Variants in SYCP3 observed in about 807,000 individuals in gnomAD.
The protein encoded by SYCP3 is synaptonemal complex protein 3.
A neutral mutation model predicts 38.5 loss-of-function variants in SYCP3; 29 were observed. The observed-to-expected ratio is 0.75, with a 90% CI of 0.56 to 1.03. The LOEUF is 1.03. Among genes scored for constraint, SYCP3 ranks in the 50% least tolerant of loss-of-function variants. The pLI is 0.00. For synonymous variants in SYCP3, 79 were observed against 80.3 expected, an observed-to-expected ratio of 0.98 and a Z score of 0.08; for missense variants, 242 against 270.7, an observed-to-expected ratio of 0.89 and a Z score of 0.74.
In SYCP3 at chr12:101,728,980, G is replaced by A. The variant is rs1041880991; in HGVS notation, c.658C>T (p.Gln220Ter). 1.2e-6 allele frequency: 2 copies of A among 1,613,506 alleles called. No homozygotes were observed. Among genetic ancestry groups the A allele is most frequent in the Non-Finnish European group, 1.7e-6 (2 of 1,179,684 alleles). The change falls in exon 9 of 9, where the codon CAG (glutamine) becomes TAG (stop). Residue 220 changes from glutamine (Q) to a stop codon, truncating the protein, a stop_gained and splice_region_variant. Coordinates refer to ENST00000392924, the MANE Select transcript of SYCP3 (RefSeq NM_001177949.2). LOFTEE classifies it high-confidence loss of function. Reference sequence around the variant, plus strand: ...CGAACACTTGCTATCTCTTGCTGCTGCTGTTTCATGGAAGGAGATATTAAA... The same window carrying A: ...CGAACACTTGCTATCTCTTGCTGCTACTGTTTCATGGAAGGAGATATTAAA... ...MLQKKIMMETQQQEIASVRKS... is the reference protein window; with the variant it reads ...MLQKKIMMET
rs760550499 is a variant in SYCP3, at chr12:101,735,094, T to C, written c.236-50A>G. 4 of 1,277,820 alleles carry C rather than the reference T, an allele frequency of 3.1e-6. No homozygotes were observed. The Admixed American group carries it at 5.2e-5, about 17-fold the overall frequency. 79.2% of individuals were successfully genotyped at this position (1,277,820 alleles called of 1,614,324 possible). On this transcript the variant is annotated intron_variant, in intron 4 of 8. Transcript: ENST00000392924. ...AAAATTTAATGTTGAAAAAAGTATTTTGTTCCCACATATTCAAGTAAATAT... is the reference window on the plus strand; with the variant it reads ...AAAATTTAATGTTGAAAAAAGTATTCTGTTCCCACATATTCAAGTAAATAT...
chr12:101,728,865 T>G lies in SYCP3; in HGVS notation c.*62A>C, dbSNP rs767171906. On this transcript the variant is annotated 3_prime_UTR_variant, in exon 9 of 9. Coordinates refer to ENST00000392924, the MANE Select transcript of SYCP3 (RefSeq NM_001177949.2). ...CTATTCTAAAGACTTACAATATGCT[T>G]CTTAGCTAACGTTATAATTGTATCA... is the stretch of plus-strand genomic sequence containing the variant. The G allele has an allele frequency of 6.2e-7, 1 of 1,607,992 alleles. No individual in the cohort carries two copies. The highest frequency in any genetic ancestry group is 8.5e-7 in the Non-Finnish European group (1 of 1,175,604).
At chr12:101,738,190 G>C (rs534232495) in intron 1 of SYCP3, among the ~76,000 whole-genome samples, 1 of 152,146 alleles carries the variant, frequency 6.6e-6, no homozygotes, top group South Asian at 2.1e-4. Flanking sequence ...TTGGAAGGTT[G>C]AGGCAGGCAG....
chr12:101,737,259 G>T lies in SYCP3; in HGVS notation c.173C>A (p.Ser58Tyr). Residue 58 changes from serine (S) to tyrosine (Y), a missense_variant, in exon 3 of 9, where the codon TCT (serine) becomes TAT (tyrosine). Transcript: ENST00000392924. Reference sequence around the variant, plus strand: ...CATATCTTCAACTACTCCTGCAGAAGACCTTTTCTTCCTACGTTTCTCAAT... The same window carrying T: ...CATATCTTCAACTACTCCTGCAGAATACCTTTTCTTCCTACGTTTCTCAAT... The part of the protein sequence containing the change: ...AVIEKRRKKR[S>Y]SAGVVEDMGG... 6.2e-7 allele frequency: 1 copy of T among 1,610,204 alleles called. No homozygotes were observed. The highest frequency in any genetic ancestry group is 8.5e-7 in the Non-Finnish European group (1 of 1,179,422).
At chr12:101,737,157 T>G in intron 3 of SYCP3, 75 bp downstream of exon 3, 1 of 1,602,852 alleles carries the variant, frequency 6.2e-7, no homozygotes, top group Non-Finnish European at 8.5e-7. Context: ...GCCAAGTATT[T>G]TACATATATT....
At chr12:101,739,205 T>A (rs1227737816) in intron 1 of SYCP3, 146 bp downstream of exon 1, 20 of 572,942 alleles carry the variant, frequency 3.5e-5, no homozygotes, top group South Asian at 7.9e-5. Context: ...GGCCCTATCC[T>A]GCTCAAGGCC....
chr12:101,733,082 TC>T (rs35904195), intron 6 of SYCP3: 98,483 of 160,184 alleles, frequency 0.61, 31,382 homozygotes, highest in East Asian at 0.89. Context: ...TGATCCAAAC[TC>T]CCATCAGTCA....
intron 6 of SYCP3, 95 bp downstream of exon 6, chr12:101,733,480 G>A: frequency 2.6e-6 from 3 of 1,140,116 alleles, no homozygotes; most frequent in Non-Finnish European, 3.9e-6. Flanking sequence ...AATGGTTAAT[G>A]AAACCTGGCT....
chr12:101,735,871 A>ATATATATATATATATTTTTTTTT, intron 4 of SYCP3, among the ~76,000 whole-genome samples: 1 of 74,752 alleles, frequency 1.3e-5, no homozygotes, highest in African/African-American at 6.3e-5. Context: ...ATATATATAT[A>ATATATATATATATATTTTTTTTT]TTTTTTTTTT....
chr12:101,729,187 A>G lies in SYCP3; in HGVS notation c.579T>C (p.His193=), dbSNP rs760217039. The G allele has an allele frequency of 6.8e-6, 11 of 1,613,106 alleles. No homozygotes were observed. Among genetic ancestry groups the G allele is most frequent in the Admixed American group, 6.7e-5 (4 of 59,954 alleles). ...TTTGTGCACCAGTAAGTAGATTATC[A>G]TGATTCTTCTCCAACTCTTCCATAC... ...IKSMEELEKN[H]DNLLTGAQNE... Residue 193 remains histidine, a synonymous_variant, in exon 8 of 9, where the codon CAT becomes CAC. Coordinates refer to ENST00000392924, the MANE Select transcript of SYCP3 (RefSeq NM_001177949.2).
intron 5 of SYCP3, among the ~76,000 whole-genome samples, chr12:101,734,247 T>C (rs1000561224): frequency 6.6e-6 from 1 of 152,178 alleles, no homozygotes; most frequent in African/African-American, 2.4e-5. Context: ...ATTCAACTAG[T>C]GTATTTCTAG....
intron 1 of SYCP3, 141 bp from the exon 2 acceptor site, chr12:101,738,093 C>T: frequency 1.0e-6 from 1 of 968,372 alleles, no homozygotes; most frequent in South Asian, 1.5e-5. Flanking sequence ...TTTGGGGGGC[C>T]AAAAGTTAAG....
chr12:101,728,761 A>G lies in SYCP3; in HGVS notation c.*166T>C, dbSNP rs907825283. ...TTTAGGAATAGTTGCTAACTAACTC[A>G]TAACTATTTAGATTTGACTTAACAG... On this transcript the variant is annotated 3_prime_UTR_variant, in exon 9 of 9. Coordinates refer to ENST00000392924, the MANE Select transcript of SYCP3 (RefSeq NM_001177949.2). The G allele has an allele frequency of 6.3e-5, 58 of 926,334 alleles. No individual in the cohort carries two copies. The highest frequency in any genetic ancestry group is 9.2e-5 in the Non-Finnish European group (57 of 620,290). The allele number at this position is 926,334 out of a possible 1,614,324, so 57.4% of individuals were successfully genotyped here. A position where few individuals can be genotyped will look rare whatever the true frequency, so the allele number is the denominator to read the frequency against.
Position 101,739,459 on chromosome 12 carries a change from T to C in SYCP3, c.-126A>G. On this transcript the variant is annotated 5_prime_UTR_variant, in exon 1 of 9. Coordinates refer to ENST00000392924, the MANE Select transcript of SYCP3 (RefSeq NM_001177949.2). ...TGAGGTGGCCCCTTCTCCGCGACGC[T>C]TCTGAGGCAAGCTGGGATTCGCACA... The C allele has an allele frequency of 2.0e-6, 2 of 1,002,578 alleles. No homozygotes were observed. Among genetic ancestry groups the C allele is most frequent in the Non-Finnish European group, 2.4e-6 (2 of 830,290 alleles). 62.1% of individuals were successfully genotyped at this position (1,002,578 alleles called of 1,614,324 possible). A position where few individuals can be genotyped will look rare whatever the true frequency, so the allele number is the denominator to read the frequency against.
chr12:101,731,112 C>G (rs954506090), intron 7 of SYCP3, among the ~76,000 whole-genome samples: 3 of 152,100 alleles, frequency 2.0e-5, no homozygotes, highest in African/African-American at 7.2e-5. Context: ...TTTTTGGTCA[C>G]TGTAATAATT....
intron 7 of SYCP3, 107 bp downstream of exon 7, chr12:101,731,457 GTAGT>G (rs1480658179): frequency 2.1e-5 from 13 of 607,072 alleles, no homozygotes; most frequent in Admixed American, 1.1e-4. Flanking sequence ...AAATGGAAAA[GTAGT>G]TAAAGTCTAA....
Position 101,739,392 on chromosome 12 carries a change from C to G in SYCP3, c.-59G>C, listed in dbSNP as rs576803527. 32 of 1,002,736 alleles carry G rather than the reference C, an allele frequency of 3.2e-5. No homozygotes were observed. Among genetic ancestry groups the G allele is most frequent in the South Asian group, 4.7e-5 (1 of 21,384 alleles). The allele number at this position is 1,002,736 out of a possible 1,614,324, so 62.1% of individuals were successfully genotyped here. On this transcript the variant is annotated 5_prime_UTR_variant, in exon 1 of 9. Coordinates refer to ENST00000392924, the MANE Select transcript of SYCP3 (RefSeq NM_001177949.2). ...TGGCCGAGGACCAGTTACTGGTCGT[C>G]GACAGGCGTCCTCCACAACTCCTCC...
intron 4 of SYCP3, among the ~76,000 whole-genome samples, chr12:101,735,504 T>C (rs1952368480): frequency 6.6e-6 from 1 of 151,762 alleles, no homozygotes; most frequent in Admixed American, 6.6e-5. Context: ...CTACTAAAAA[T>C]ACAAAAATTA....
chr12:101,736,241 C>G (rs1354547685), intron 4 of SYCP3, among the ~76,000 whole-genome samples: 1 of 151,846 alleles, frequency 6.6e-6, no homozygotes. Context: ...TAAACATAAG[C>G]CTTTATCTTA....
Sources: gnomAD v4.1 joint callset for allele counts (sites outside exome capture counted in the v4.1 genomes callset) on GRCh38, gnomAD v4.1.1 for gene constraint, MANE v1.5 for transcripts, NCBI Gene and HGNC (gene_info 2026-07-23, HGNC 2026-07-21) for gene names.